The following SNED1 variants were observed in gnomAD, a reference collection of about 807,000 sequenced individuals.
The protein encoded by SNED1 is sushi, nidogen and EGF-like domain-containing protein 1.
A neutral mutation model predicts 166.7 loss-of-function variants in SNED1; 81 were observed. That is an observed-to-expected ratio of 0.49 (90% confidence interval 0.41 to 0.58). SNED1 has a LOEUF of 0.58. Ranked by LOEUF, SNED1 falls within the 20% of genes least tolerant of loss-of-function variation. The pLI is 0.00. For synonymous variants in SNED1, 762 were observed against 822.0 expected, an observed-to-expected ratio of 0.93 and a Z score of 1.25; for missense variants, 1,604 against 2,000.2, an observed-to-expected ratio of 0.80 and a Z score of 3.78.
intron 1 of SNED1, among the ~76,000 whole-genome samples, chr2:241,025,970 A>G (rs750096267): frequency 8.0e-6 from 1 of 125,732 alleles, no homozygotes; most frequent in Non-Finnish European, 1.7e-5. Context: ...GATCTTGTGC[A>G]TTTCTGACAT....
In SNED1 at chr2:240,998,824, C is replaced by T; in HGVS notation, c.-14C>T. The T allele has an allele frequency of 8.4e-7, 1 of 1,185,248 alleles. No individual in the cohort carries two copies. Among genetic ancestry groups the T allele is most frequent in the East Asian group, 4.0e-5 (1 of 24,778 alleles). 73.4% of individuals were successfully genotyped at this position (1,185,248 alleles called of 1,614,324 possible). ...TGCTCCGCCAGCGCCCCGTCCCGCC[C>T]GCACACCTCCGCGATGCGGCACGGC... On this transcript the variant is annotated 5_prime_UTR_variant, in exon 1 of 32. Coordinates refer to ENST00000310397, the MANE Select transcript of SNED1 (RefSeq NM_001080437.3).
intron 8 of SNED1, chr2:241,041,143 T>C (rs2061510792): frequency 3.4e-6 from 1 of 293,990 alleles, no homozygotes; most frequent in African/African-American, 2.3e-5. Context: ...CATCAGTCTT[T>C]GCCGAGTGCA....
chr2:241,049,811 C>T lies in SNED1; in HGVS notation c.1619-6C>T. On this transcript the variant is annotated splice_region_variant and splice_polypyrimidine_tract_variant and intron_variant, in intron 11 of 31. Transcript: ENST00000310397. Reference sequence around the variant, plus strand: ...TCCAGGACCACCCTCTGTCCCCCGCCCCCAGCCCTGCCATCACCCTGCGAC... The same window carrying T: ...TCCAGGACCACCCTCTGTCCCCCGCTCCCAGCCCTGCCATCACCCTGCGAC... 1.2e-6 allele frequency: 2 copies of T among 1,611,232 alleles called. No homozygotes were observed. Among genetic ancestry groups the T allele is most frequent in the Admixed American group, 1.7e-5 (1 of 60,006 alleles).
chr2:241,046,251 T>C (rs1442977656), intron 8 of SNED1, among the ~76,000 whole-genome samples: 2 of 152,256 alleles, frequency 1.3e-5, no homozygotes, highest in African/African-American at 4.8e-5. Flanking sequence ...TTGGCAGGTT[T>C]TTTATAAGGT....
intron 29 of SNED1, among the ~76,000 whole-genome samples, chr2:241,083,574 G>A (rs1452239567): frequency 6.6e-6 from 1 of 152,104 alleles, no homozygotes; most frequent in Non-Finnish European, 1.5e-5. Flanking sequence ...GTTGGGATTT[G>A]GGAAGCCGTG....
intron 21 of SNED1, 148 bp from the exon 22 acceptor site, chr2:241,067,616 C>T (rs774794428): frequency 6.9e-5 from 42 of 604,542 alleles, no homozygotes; most frequent in Non-Finnish European, 1.2e-4. Context: ...CCACTCAGCC[C>T]GAGTTCCCTG....
Position 241,051,342 on chromosome 2 carries a change from A to G in SNED1, c.1736-402A>G, listed in dbSNP as rs1164667958. On this transcript the variant is annotated intron_variant, in intron 12 of 31. Coordinates refer to ENST00000310397, the MANE Select transcript of SNED1 (RefSeq NM_001080437.3). This position sits in a 1 kb window ranked among gnomAD's most constrained non-coding sequence, Gnocchi z 4.7. ...AGGTACAGAACACACAGAAATCCAG[A>G]TTGACTGCTGGGGACCCTGATGTCA... 1 of 182,304 alleles carries G rather than the reference A, an allele frequency of 5.5e-6. No individual in the cohort carries two copies. Among genetic ancestry groups the G allele is most frequent in the East Asian group, 1.4e-4 (1 of 7,198 alleles). 11.3% of individuals were successfully genotyped at this position (182,304 alleles called of 1,614,324 possible). A position where few individuals can be genotyped will look rare whatever the true frequency, so the allele number is the denominator to read the frequency against.
chr2:241,009,225 T>A (rs1195535226), intron 1 of SNED1, among the ~76,000 whole-genome samples: 1 of 152,030 alleles, frequency 6.6e-6, no homozygotes, highest in African/African-American at 2.4e-5. Flanking sequence ...AGGAGGCCCC[T>A]CCCTCTGAGG....
At chr2:241,004,911 C>CG (rs1419512021) in intron 1 of SNED1, among the ~76,000 whole-genome samples, 1 of 151,970 alleles carries the variant, frequency 6.6e-6, no homozygotes, top group Non-Finnish European at 1.5e-5. Context: ...TTAGTAGAGA[C>CG]GGGGTTTCAC....
At position 241,091,054 on chromosome 2, in the gene SNED1, A is replaced by G. The variant is rs1001235208; in HGVS notation, c.*2-584A>G. On this transcript the variant is annotated intron_variant, in intron 31 of 31. Transcript: ENST00000310397. This position sits in a 1 kb window ranked among gnomAD's most constrained non-coding sequence, Gnocchi z 4.1. ...TATACGGTGGTAAGTCACCTGAAAT[A>G]TTAATGTATCTTTTTAAATGCTTGC... 7.2e-5 allele frequency among the ~76,000 whole-genome samples: 11 copies of G among 152,190 alleles called. No individual in the cohort carries two copies. Among genetic ancestry groups the G allele is most frequent in the Admixed American group, 5.9e-4 (9 of 15,284 alleles).
intron 21 of SNED1, 110 bp from the exon 22 acceptor site, chr2:241,067,654 G>A (rs2062516481): frequency 6.1e-6 from 5 of 824,920 alleles, no homozygotes; most frequent in African/African-American, 1.7e-5. Flanking sequence ...CCTCTCCAGT[G>A]CCTCTCTGTG....
At chr2:241,080,556 C>T (rs151150486) in intron 27 of SNED1, among the ~76,000 whole-genome samples, 55 of 152,234 alleles carry the variant, frequency 3.6e-4, no homozygotes, top group African/African-American at 1.2e-3. Flanking sequence ...AAGCCCAGGA[C>T]ATGTTGTGTA....
chr2:241,047,813 T>A (rs57463532), intron 8 of SNED1, among the ~76,000 whole-genome samples: 14,990 of 146,920 alleles, frequency 0.1, 812 homozygotes, highest in East Asian at 0.2. Flanking sequence ...GTTCTGTCCA[T>A]TCCCAGGTGG....
Position 241,063,708 on chromosome 2 carries a change from CTCCCT to C in SNED1, c.2485+9_2485+13del. 1 of 1,567,006 alleles carries C rather than the reference CTCCCT, an allele frequency of 6.4e-7. No individual in the cohort carries two copies. Among genetic ancestry groups the C allele is most frequent in the Non-Finnish European group, 8.7e-7 (1 of 1,143,038 alleles). On this transcript the variant is annotated intron_variant, in intron 18 of 31. Transcript: ENST00000310397. ...GAGTCCACTGTGAGACAGGTAGGGG[CTCCCT>C]CCAGTGGGCCCCACATGCAGAGCCT...
intron 8 of SNED1, among the ~76,000 whole-genome samples, chr2:241,045,874 C>G (rs1287670782): frequency 1.3e-5 from 2 of 152,150 alleles, no homozygotes; most frequent in South Asian, 2.1e-4. Context: ...AGACAAGCTA[C>G]AGACCAGGAG....
At chr2:241,056,907 C>A (rs1476641450) in intron 16 of SNED1, among the ~76,000 whole-genome samples, 1 of 152,122 alleles carries the variant, frequency 6.6e-6, no homozygotes, top group East Asian at 1.9e-4. Context: ...TAAAAAACAG[C>A]ATCAGAGATC....
Position 241,078,390 on chromosome 2 carries a change from A to G in SNED1, c.3917-3287A>G, listed in dbSNP as rs1048092779. Among the ~76,000 whole-genome samples the G allele has an allele frequency of 2.0e-5, 3 of 151,544 alleles. No homozygotes were observed. In the South Asian group the frequency reaches 6.2e-4, roughly 31 times the overall value. ...AGAACTAGACTCCGTCTCAAAAAAAAAAAAAAAAGAAAGAAAGAAAAGAAA... is the reference window on the plus strand; with the variant it reads ...AGAACTAGACTCCGTCTCAAAAAAAGAAAAAAAAGAAAGAAAGAAAAGAAA... On this transcript the variant is annotated intron_variant, in intron 27 of 31. Transcript: ENST00000310397.
Position 241,071,581 on chromosome 2 carries a change from AG to A in SNED1, c.3598del (p.Asp1200MetfsTer57). 6.3e-7 allele frequency: 1 copy of A among 1,586,266 alleles called. No homozygotes were observed. The highest frequency in any genetic ancestry group is 8.5e-7 in the Non-Finnish European group (1 of 1,173,714). Reference protein sequence around the residue: ...PAHLYIITSPRDGADRRWHQG... With the variant: ...PAHLYIITSPXDGADRRWHQG... ...TCCTCCTGCCTGCTCTGCAGCCCCC[AG>A]GGATGGCGCTGACAGACGCTGGCAC... On this transcript the variant is annotated frameshift_variant, in exon 25 of 32. Transcript: ENST00000310397. LOFTEE classifies it high-confidence loss of function.
chr2:241,004,738 T>G lies in SNED1; in HGVS notation c.213+5688T>G, dbSNP rs2060173273. Among the ~76,000 whole-genome samples, 3 of 152,154 alleles carry G rather than the reference T, an allele frequency of 2.0e-5. No homozygotes were observed. In the South Asian group the frequency reaches 6.2e-4, roughly 32 times the overall value. The stretch of plus-strand genomic sequence containing the variant: ...CTGTTAACTTTTTGTTTGTTTGTTT[T>G]TTTGAGATGGAGTCTCACTCTGTCG... On this transcript the variant is annotated intron_variant, in intron 1 of 31. Transcript: ENST00000310397.
Sources: gnomAD v4.1 joint callset for allele counts (sites outside exome capture counted in the v4.1 genomes callset) on GRCh38, gnomAD v4.1.1 for gene constraint, Gnocchi (gnomAD v3.1) non-coding constraint, MANE v1.5 for transcripts, NCBI Gene and HGNC (gene_info 2026-07-23, HGNC 2026-07-21) for gene names.